PURG: variants seen among roughly 807,000 people sequenced by gnomAD.
PURG encodes purine rich element binding protein G.
Under a neutral mutation model 24.3 loss-of-function variants are expected in PURG, and 3 were observed. The observed-to-expected ratio is 0.12, with a 90% confidence interval of 0.06 to 0.32. The LOEUF is 0.32. Among genes scored for constraint, PURG ranks in the 10% least tolerant of loss-of-function variants. PURG has a pLI of 1.00. For synonymous variants in PURG, 180 were observed against 173.1 expected (o/e 1.04, Z -0.31); for missense variants, 371 against 439.1 (o/e 0.84, Z 1.39).
intron 1 of PURG, among the ~76,000 whole-genome samples, chr8:31,009,047 T>C (rs1368882124): frequency 6.6e-6 from 1 of 152,224 alleles, no homozygotes; most frequent in Non-Finnish European, 1.5e-5. Context: ...CTTAGCCATA[T>C]TGATCTGACT....
intron 1 of PURG, among the ~76,000 whole-genome samples, chr8:31,004,357 T>C (rs2129780046): frequency 6.6e-6 from 1 of 152,326 alleles, no homozygotes; most frequent in East Asian, 1.9e-4. Context: ...GATAAACAAG[T>C]AAAACATCCT....
intron 1 of PURG, among the ~76,000 whole-genome samples, chr8:31,024,242 G>C (rs1203060397): frequency 1.3e-5 from 2 of 152,102 alleles, no homozygotes; most frequent in African/African-American, 2.4e-5. Context: ...CATTATAGTT[G>C]TTTTTAATGT....
intron 1 of PURG, among the ~76,000 whole-genome samples, chr8:31,000,052 T>C (rs911990847): frequency 6.6e-5 from 10 of 152,114 alleles, no homozygotes; most frequent in African/African-American, 2.4e-4. Flanking sequence ...CTCCAGTCAC[T>C]GAAATGACAA....
intron 1 of PURG, among the ~76,000 whole-genome samples, chr8:31,022,042 C>G (rs1811005367): frequency 6.6e-6 from 1 of 150,994 alleles, no homozygotes; most frequent in Non-Finnish European, 1.5e-5. Flanking sequence ...GCCATCTCAG[C>G]TCACTGCAAC....
At chr8:31,019,090 C>T (rs1810929214) in intron 1 of PURG, among the ~76,000 whole-genome samples, 1 of 114,242 alleles carries the variant, frequency 8.8e-6, no homozygotes. Context: ...CGCCACTGCA[C>T]TCCAGCCTGG....
intron 1 of PURG, among the ~76,000 whole-genome samples, chr8:31,013,066 T>C (rs1456667217): frequency 1.3e-5 from 2 of 152,196 alleles, no homozygotes; most frequent in African/African-American, 2.4e-5. Context: ...ATATAAAACA[T>C]TTGCATCAAA....
chr8:30,996,716 T>C, intron 1 of PURG: 1 of 1,570,150 alleles, frequency 6.4e-7, no homozygotes, highest in South Asian at 1.1e-5. Flanking sequence ...AAAATATTAA[T>C]TTGAATTTAG....
At chr8:31,011,703 A>T (rs1810767127) in intron 1 of PURG, among the ~76,000 whole-genome samples, 1 of 152,230 alleles carries the variant, frequency 6.6e-6, no homozygotes, top group Non-Finnish European at 1.5e-5. Flanking sequence ...AGCTGCTTTG[A>T]ATCAAATAAC....
intron 1 of PURG, among the ~76,000 whole-genome samples, chr8:30,997,400 T>A (rs1350613696): frequency 6.6e-6 from 1 of 151,802 alleles, no homozygotes; most frequent in East Asian, 1.9e-4. Context: ...TGGGTTAATA[T>A]ATCTTGTTTT....
In PURG at chr8:31,031,897, A is replaced by G; in HGVS notation, c.886T>C (p.Tyr296His). Residue 296 changes from tyrosine (Y) to histidine (H), a missense_variant, in exon 2 of 2, where the codon TAC (tyrosine) becomes CAC (histidine). Physicochemically the swap from Tyr to His is moderately conservative, Grantham distance 83 (BLOSUM62 2). Around this residue, in one of 5 missense-constraint regions of PURG, gnomAD observed 103 missense variants for 127.7 expected, o/e 0.81. Transcript: ENST00000523392. ...FLKVSEVRPP[Y>H]RNTITVPFKA... is the part of the protein sequence containing the mutation. The stretch of plus-strand genomic sequence containing the variant: ...AATGGAACAGTAATAGTATTACGGT[A>G]AGGTGGTCTCACCTCACTTACCTTC... 1.9e-6 allele frequency: 3 copies of G among 1,614,104 alleles called. No homozygotes were observed. The highest frequency in any genetic ancestry group is 2.5e-6 in the Non-Finnish European group (3 of 1,179,998).
At position 31,032,907 on chromosome 8, in the gene PURG, C is replaced by A. The variant is rs1187577776; in HGVS notation, c.-6-119G>T. On this transcript the variant is annotated intron_variant, in intron 1 of 1. Coordinates refer to ENST00000523392, the MANE Select transcript of PURG (RefSeq NM_001323311.2). The surrounding 1 kb of genome is among the most constrained non-coding windows in gnomAD (Gnocchi z 5.9). ...CGCGACCCCCACGCCGGGCCCGGCT[C>A]CCCCGGCGCCGCAGCGCGGGGCTCC... 8 of 711,888 alleles carry A rather than the reference C, an allele frequency of 1.1e-5. No individual in the cohort carries two copies. The highest frequency in any genetic ancestry group is 4.9e-5 in the Admixed American group (1 of 20,330). The allele number at this position is 711,888 out of a possible 1,614,324, so 44.1% of individuals were successfully genotyped here. A position where few individuals can be genotyped will look rare whatever the true frequency, so the allele number is the denominator to read the frequency against.
At chr8:31,007,314 A>G (rs957679597) in intron 1 of PURG, among the ~76,000 whole-genome samples, 37 of 152,218 alleles carry the variant, frequency 2.4e-4, no homozygotes, top group African/African-American at 8.9e-4. Flanking sequence ...CTGTTTTATG[A>G]CAGTCACTGG....
chr8:31,018,742 A>G (rs986786098), intron 1 of PURG, among the ~76,000 whole-genome samples: 3 of 152,198 alleles, frequency 2.0e-5, no homozygotes, highest in East Asian at 1.9e-4. Context: ...AGAGAAGTCA[A>G]TGAACTTGCA....
Position 31,031,541 on chromosome 8 carries a change from G to T in PURG, c.*198C>A, listed in dbSNP as rs1811202670. The T allele has an allele frequency of 8.3e-6, 5 of 598,958 alleles. No homozygotes were observed. The Admixed American group carries it at 1.2e-4, about 15-fold the overall frequency. 37.1% of individuals were successfully genotyped at this position (598,958 alleles called of 1,614,324 possible). A position where few individuals can be genotyped will look rare whatever the true frequency, so the allele number is the denominator to read the frequency against. ...CAGCTAAACTATTTAGCTCTGGGAA[G>T]GTTGGAATTCCCGTAAGAATTATAG... On this transcript the variant is annotated 3_prime_UTR_variant, in exon 2 of 2. Transcript: ENST00000523392.
downstream of PURG, among the ~76,000 whole-genome samples, chr8:31,029,119 G>C (rs1811142359): frequency 6.6e-6 from 1 of 151,802 alleles, no homozygotes; most frequent in Non-Finnish European, 1.5e-5. Context: ...CCTAAGACCA[G>C]AGTTTTGAAC....
At chr8:31,015,472 T>TA (rs987097443) in intron 1 of PURG, among the ~76,000 whole-genome samples, 22 of 149,188 alleles carry the variant, frequency 1.5e-4, no homozygotes, top group South Asian at 8.4e-4. Flanking sequence ...ATATATATTT[T>TA]AAAAAAAAAA....
chr8:31,026,893 A>G (rs1811100418), downstream of PURG, among the ~76,000 whole-genome samples: 1 of 151,612 alleles, frequency 6.6e-6, no homozygotes, highest in Non-Finnish European at 1.5e-5. Context: ...TCCATTATAC[A>G]TGAAAATATA....
chr8:30,995,913 G>C (rs781511952), exon 2 of PURG: 13 of 151,946 alleles, frequency 8.6e-5, no homozygotes, highest in Non-Finnish European at 1.8e-4. Flanking sequence ...TAAACTTCAA[G>C]CTTTGTTCAG....
intron 1 of PURG, among the ~76,000 whole-genome samples, chr8:31,015,765 C>T (rs890623838): frequency 6.6e-6 from 1 of 152,166 alleles, no homozygotes; most frequent in Non-Finnish European, 1.5e-5. Flanking sequence ...TTAAAGTGAG[C>T]CCTGGCCGGG....
Sources: gnomAD v4.1 joint callset for allele counts (sites outside exome capture counted in the v4.1 genomes callset) on GRCh38, gnomAD v4.1.1 for gene constraint, gnomAD v4.1.1 regional missense constraint, Gnocchi (gnomAD v3.1) non-coding constraint, MANE v1.5 for transcripts, NCBI Gene and HGNC (gene_info 2026-07-23, HGNC 2026-07-21) for gene names.